FNIP1: variants seen among roughly 807,000 people sequenced by gnomAD.
FNIP1 encodes the protein folliculin-interacting protein 1.
FNIP1 carries 40 observed loss-of-function variants against 124.5 expected under a neutral mutation model. The ratio of observed to expected loss-of-function variants is 0.32; its 90% confidence interval spans 0.25 to 0.42. FNIP1 has a LOEUF of 0.42. Among genes scored for constraint, FNIP1 ranks in the 10% least tolerant of loss-of-function variants. The pLI, the probability that FNIP1 is intolerant of heterozygous loss-of-function variation, is 1.00. For synonymous variants in FNIP1, 472 were observed against 470.6 expected (o/e 1.00, Z -0.04); for missense variants, 1,176 against 1,403.7 (o/e 0.84, Z 2.59).
At chr5:131,704,006 G>A in intron 10 of FNIP1, 59 bp downstream of exon 10, 1 of 1,346,426 alleles carries the variant, frequency 7.4e-7, no homozygotes, top group South Asian at 1.4e-5. Flanking sequence ...TAAATATAAT[G>A]CTTAATTGGG....
intron 1 of FNIP1, among the ~76,000 whole-genome samples, chr5:131,782,722 T>G (rs926529096): frequency 2.6e-5 from 4 of 152,150 alleles, no homozygotes; most frequent in Non-Finnish European, 4.4e-5. Flanking sequence ...TAACAGGAGT[T>G]TGGAAGAAGC....
chr5:131,650,669 G>A (rs977973594), intron 16 of FNIP1, among the ~76,000 whole-genome samples: 2 of 152,198 alleles, frequency 1.3e-5, no homozygotes, highest in African/African-American at 4.8e-5. Context: ...CAGAAGTAGG[G>A]AAAGTGGGTC....
chr5:131,668,735 T>C (rs1267248715), intron 15 of FNIP1, among the ~76,000 whole-genome samples: 2 of 152,098 alleles, frequency 1.3e-5, no homozygotes, highest in Non-Finnish European at 2.9e-5. Context: ...TATTTTAGGT[T>C]TGGGGGCTGA....
intron 11 of FNIP1, among the ~76,000 whole-genome samples, chr5:131,680,667 T>A (rs1768050623): frequency 6.6e-6 from 1 of 152,146 alleles, no homozygotes; most frequent in Non-Finnish European, 1.5e-5. Context: ...ACACCTGTAA[T>A]CCCAGCTCTT....
intron 2 of FNIP1, among the ~76,000 whole-genome samples, chr5:131,735,487 A>G (rs1770262312): frequency 6.7e-6 from 1 of 148,734 alleles, no homozygotes; most frequent in Admixed American, 6.8e-5. Context: ...GTATATATGT[A>G]TATATACGTA....
At chr5:131,693,319 C>CATATAT (rs1339116049) in intron 11 of FNIP1, among the ~76,000 whole-genome samples, 4 of 41,610 alleles carry the variant, frequency 9.6e-5, no homozygotes, top group African/African-American at 3.1e-4. Flanking sequence ...TATATATACA[C>CATATAT]ATATATATAT....
chr5:131,663,974 G>GTTTT lies in FNIP1; in HGVS notation c.3108+6485_3108+6488dup, dbSNP rs149872060. ...AATGAAATTTTGTCTAGCTCAGAGG[G>GTTTT]TTTTAACAATTGTCTTAACCTAAAA... On this transcript the variant is annotated intron_variant, in intron 15 of 17. Transcript: ENST00000510461. Among the ~76,000 whole-genome samples, 1,317 of 152,316 alleles carry GTTTT rather than the reference G, an allele frequency of 8.6e-3. 19 individuals carry two copies. The highest frequency in any genetic ancestry group is 0.03 in the African/African-American group (1,262 of 41,560).
intron 1 of FNIP1, among the ~76,000 whole-genome samples, chr5:131,769,911 T>C (rs1304040146): frequency 6.6e-6 from 1 of 152,226 alleles, no homozygotes; most frequent in African/African-American, 2.4e-5. Flanking sequence ...TGGCAGCTAG[T>C]GCAGACCAGA....
chr5:131,729,067 G>A (rs971508830), intron 3 of FNIP1, among the ~76,000 whole-genome samples: 2 of 152,054 alleles, frequency 1.3e-5, no homozygotes, highest in African/African-American at 4.8e-5. Context: ...CTTCATTCCA[G>A]AGGAGCCCCT....
In FNIP1 at chr5:131,724,215, G is replaced by A. The variant is rs143541611; in HGVS notation, c.355-4798C>T. On this transcript the variant is annotated intron_variant, in intron 3 of 17. Coordinates refer to ENST00000510461, the MANE Select transcript of FNIP1 (RefSeq NM_133372.3). ...ACTAGAATGATTTATAATCCTTTGG[G>A]TACATACCCAGTAATGGGATTGCTG... is the stretch of plus-strand genomic sequence containing the variant. Among the ~76,000 whole-genome samples the A allele has an allele frequency of 4.7e-3, 712 of 152,184 alleles. 9 individuals carry two copies. Among genetic ancestry groups the A allele is most frequent in the African/African-American group, 0.016 (676 of 41,496 alleles).
chr5:131,668,256 A>T (rs1767657554), intron 15 of FNIP1, among the ~76,000 whole-genome samples: 1 of 152,264 alleles, frequency 6.6e-6, no homozygotes, highest in South Asian at 2.1e-4. Flanking sequence ...ACCAACAGCA[A>T]AACAACTTTT....
At position 131,644,777 on chromosome 5, in the gene FNIP1, G is replaced by GA. The variant is rs756351401; in HGVS notation, c.3423-15dup. 4 of 1,612,148 alleles carry GA rather than the reference G, an allele frequency of 2.5e-6. No individual in the cohort carries two copies. The highest frequency in any genetic ancestry group is 1.1e-5 in the South Asian group (1 of 90,982). ...CTGGATTCAATCCTGAAATAAAGGGGAAAAAAATGTCAGTTTTGATTTTCT... is the reference window on the plus strand; with the variant it reads ...CTGGATTCAATCCTGAAATAAAGGGGAAAAAAAATGTCAGTTTTGATTTTCT... On this transcript the variant is annotated splice_polypyrimidine_tract_variant and intron_variant, in intron 17 of 17. Transcript: ENST00000510461.
At chr5:131,749,116 A>T (rs1770783207) in intron 1 of FNIP1, among the ~76,000 whole-genome samples, 1 of 152,240 alleles carries the variant, frequency 6.6e-6, no homozygotes, top group South Asian at 2.1e-4. Flanking sequence ...TTACTACACA[A>T]CAGTTCAAAA....
intron 1 of FNIP1, among the ~76,000 whole-genome samples, chr5:131,788,507 T>C (rs914003290): frequency 2.0e-5 from 3 of 151,860 alleles, no homozygotes; most frequent in Admixed American, 2.0e-4. Context: ...CCATCTCTAC[T>C]AAAAATACAA....
At chr5:131,695,767 T>C (rs1768671653) in intron 11 of FNIP1, among the ~76,000 whole-genome samples, 1 of 152,152 alleles carries the variant, frequency 6.6e-6, no homozygotes, top group African/African-American at 2.4e-5. Flanking sequence ...AAATGTTTAT[T>C]AAAAAAACAC....
intron 1 of FNIP1, among the ~76,000 whole-genome samples, chr5:131,790,054 C>G (rs1772353268): frequency 6.6e-6 from 1 of 152,192 alleles, no homozygotes; most frequent in African/African-American, 2.4e-5. Flanking sequence ...AACTTTTGAC[C>G]CTCTCCCTCT....
chr5:131,665,924 C>CG (rs1204568421), intron 15 of FNIP1, among the ~76,000 whole-genome samples: 1 of 121,118 alleles, frequency 8.3e-6, no homozygotes, highest in Non-Finnish European at 1.7e-5. Context: ...TTTTTTGAGA[C>CG]GGAGTCTCGC....
At chr5:131,687,691 C>G (rs1768327591) in intron 11 of FNIP1, among the ~76,000 whole-genome samples, 1 of 152,062 alleles carries the variant, frequency 6.6e-6, no homozygotes, top group African/African-American at 2.4e-5. Flanking sequence ...GATCAAGTTA[C>G]CTGAAGCAGA....
intron 3 of FNIP1, among the ~76,000 whole-genome samples, chr5:131,724,974 T>C (rs192253217): frequency 6.6e-6 from 1 of 152,352 alleles, no homozygotes. Context: ...TCCCCATTGC[T>C]TGTTTTTGTC....
Sources: gnomAD v4.1 joint callset for allele counts (sites outside exome capture counted in the v4.1 genomes callset) on GRCh38, gnomAD v4.1.1 for gene constraint, MANE v1.5 for transcripts, NCBI Gene and HGNC (gene_info 2026-07-23, HGNC 2026-07-21) for gene names.